FARP1: variants seen among roughly 807,000 people sequenced by gnomAD.
The protein encoded by FARP1 is FERM, ARH/RhoGEF and pleckstrin domain protein 1.
FARP1 carries 52 observed loss-of-function variants against 128.8 expected under a neutral mutation model. That is an observed-to-expected ratio of 0.40 (90% CI 0.32 to 0.51). The LOEUF is 0.51. Ranked by LOEUF, FARP1 falls within the 20% of genes least tolerant of loss-of-function variation. The pLI, the probability that FARP1 is intolerant of heterozygous loss-of-function variation, is 0.45. For synonymous variants in FARP1, 580 were observed against 551.8 expected (o/e 1.05, Z -0.72); for missense variants, 1,333 against 1,367.9 (o/e 0.97, Z 0.40).
intron 18 of FARP1, chr13:98,434,422 G>C (rs1892170787): frequency 6.6e-6 from 1 of 152,154 alleles, no homozygotes; most frequent in African/African-American, 2.4e-5. Flanking sequence ...CGCATCCTTG[G>C]GGGAAAAAAC....
chr13:98,157,869 A>G (rs1436276914), intron 1 of FARP1, among the ~76,000 whole-genome samples: 1 of 152,254 alleles, frequency 6.6e-6, no homozygotes, highest in African/African-American at 2.4e-5. Flanking sequence ...AGTGGTAAAC[A>G]TCGTCACAAA....
At chr13:98,294,089 G>A (rs1381118451) in intron 2 of FARP1, among the ~76,000 whole-genome samples, 3 of 152,168 alleles carry the variant, frequency 2.0e-5, no homozygotes, top group Non-Finnish European at 4.4e-5. Context: ...TAACCAAGCT[G>A]ATCAGTCATT....
intron 1 of FARP1, among the ~76,000 whole-genome samples, chr13:98,169,809 C>G (rs1877524493): frequency 1.5e-5 from 2 of 131,404 alleles, no homozygotes; most frequent in African/African-American, 2.9e-5. Context: ...TAAAATTATG[C>G]TGGGTATTTT....
intron 2 of FARP1, among the ~76,000 whole-genome samples, chr13:98,327,219 A>G (rs1209874971): frequency 3.9e-5 from 6 of 152,306 alleles, no homozygotes; most frequent in Admixed American, 1.3e-4. Context: ...CTGTTTTCCA[A>G]TACGGCTTTT....
At chr13:98,372,018 G>A (rs886738471) in intron 5 of FARP1, among the ~76,000 whole-genome samples, 8 of 150,986 alleles carry the variant, frequency 5.3e-5, no homozygotes, top group Non-Finnish European at 1.0e-4. Flanking sequence ...GAAGCGTATT[G>A]ACTCCTGGGT....
rs77162981 is a variant in FARP1, at chr13:98,444,461, G to A, written c.2797-1637G>A. Among the ~76,000 whole-genome samples, 1,112 of 152,300 alleles carry A rather than the reference G, an allele frequency of 7.3e-3. 10 individuals carry two copies. Among genetic ancestry groups the A allele is most frequent in the African/African-American group, 0.021 (868 of 41,570 alleles). On this transcript the variant is annotated intron_variant, in intron 24 of 26. Coordinates refer to ENST00000319562, the MANE Select transcript of FARP1 (RefSeq NM_005766.4). ...TCTGAACAAGGATGTTGACCCTCTCGTGAAGGCAGTGAATGGAGACAGGTC... is the reference window on the plus strand; with the variant it reads ...TCTGAACAAGGATGTTGACCCTCTCATGAAGGCAGTGAATGGAGACAGGTC...
chr13:98,316,468 G>T (rs1190201551), intron 2 of FARP1, among the ~76,000 whole-genome samples: 2 of 152,174 alleles, frequency 1.3e-5, no homozygotes, highest in African/African-American at 4.8e-5. Flanking sequence ...CCCATGCGTG[G>T]CAGATCCTCT....
chr13:98,253,760 G>C (rs775045492), intron 2 of FARP1, among the ~76,000 whole-genome samples: 8 of 152,102 alleles, frequency 5.3e-5, no homozygotes, highest in African/African-American at 1.9e-4. Flanking sequence ...TTTTATAGTT[G>C]CTGCATCAGT....
intron 1 of FARP1, among the ~76,000 whole-genome samples, chr13:98,148,247 G>A (rs1267123961): frequency 3.3e-5 from 5 of 152,106 alleles, no homozygotes; most frequent in Admixed American, 6.5e-5. Context: ...GCGTGGTGGC[G>A]CGTGACTGTA....
At chr13:98,167,686 A>G (rs1877367865) in intron 1 of FARP1, among the ~76,000 whole-genome samples, 1 of 152,162 alleles carries the variant, frequency 6.6e-6, no homozygotes, top group South Asian at 2.1e-4. Flanking sequence ...CTAGGATTAC[A>G]AGCATGAGCC....
chr13:98,377,300 CAA>C (rs78313498), intron 5 of FARP1, among the ~76,000 whole-genome samples: 55 of 99,620 alleles, frequency 5.5e-4, no homozygotes, highest in Non-Finnish European at 5.4e-4. Context: ...GACTTTGTCT[CAA>C]AAAAAAAAAA....
At chr13:98,247,883 A>G (rs1476768399) in intron 2 of FARP1, among the ~76,000 whole-genome samples, 1 of 152,206 alleles carries the variant, frequency 6.6e-6, no homozygotes, top group East Asian at 1.9e-4. Flanking sequence ...GCTTCCAGCG[A>G]TCCTTGTGAA....
chr13:98,186,223 C>T (rs1299565787), intron 1 of FARP1, among the ~76,000 whole-genome samples: 1 of 152,198 alleles, frequency 6.6e-6, no homozygotes, highest in African/African-American at 2.4e-5. Flanking sequence ...TCTCCTGCCT[C>T]AGCCTCCTGA....
chr13:98,243,783 T>C lies in FARP1; in HGVS notation c.171+30370T>C, dbSNP rs148148472. Among the ~76,000 whole-genome samples, 515 of 152,140 alleles carry C rather than the reference T, an allele frequency of 3.4e-3. 3 individuals carry two copies. The highest frequency in any genetic ancestry group is 0.011 in the African/African-American group (463 of 41,488). ...CCTTTTTTTCCAGCAGGGTTAAAGA[T>C]TGTAGTATTGACTATCAGTTATTTT... On this transcript the variant is annotated intron_variant, in intron 2 of 26. Transcript: ENST00000319562.
chr13:98,188,453 C>T (rs1270029868), intron 1 of FARP1, among the ~76,000 whole-genome samples: 7 of 152,030 alleles, frequency 4.6e-5, no homozygotes, highest in African/African-American at 1.4e-4. Context: ...CCCAGCTACT[C>T]GGGAGGCTGA....
chr13:98,388,417 A>G lies in FARP1; in HGVS notation c.794A>G (p.Lys265Arg). The G allele has an allele frequency of 6.2e-7, 1 of 1,614,118 alleles. No homozygotes were observed. ...FTKINAFNWA[K>R]VRKLSFKRKR... is the part of the protein sequence containing the mutation. ...AAGATCAATGCCTTCAACTGGGCCA[A>G]GGTGCGGAAGCTGAGCTTCAAGAGG... The change falls in exon 9 of 27, where the codon AAG (lysine) becomes AGG (arginine). Residue 265 changes from lysine to arginine, a missense_variant. Lys to Arg is a conservative substitution (Grantham distance 26). Around this residue, in one of 2 missense-constraint regions of FARP1, gnomAD observed 324 missense variants for 398.1 expected, o/e 0.81. Transcript: ENST00000319562.
At chr13:98,154,503 C>T (rs1479124698) in intron 1 of FARP1, among the ~76,000 whole-genome samples, 2 of 152,168 alleles carry the variant, frequency 1.3e-5, no homozygotes, top group East Asian at 3.9e-4. Context: ...TGGCTGCCTG[C>T]GTTTTGAAGG....
chr13:98,353,039 G>A (rs1468631512), intron 3 of FARP1, among the ~76,000 whole-genome samples: 1 of 152,122 alleles, frequency 6.6e-6, no homozygotes, highest in Non-Finnish European at 1.5e-5. Flanking sequence ...ATTTGGGGGT[G>A]GGGGCACCAC....
chr13:98,377,998 C>A, intron 6 of FARP1, 80 bp downstream of exon 6: 1 of 1,072,118 alleles, frequency 9.3e-7, no homozygotes, highest in Non-Finnish European at 1.4e-6. Flanking sequence ...ATCACATCCA[C>A]CAAAAAAGAA....
Sources: gnomAD v4.1 joint callset for allele counts (sites outside exome capture counted in the v4.1 genomes callset) on GRCh38, gnomAD v4.1.1 for gene constraint, gnomAD v4.1.1 regional missense constraint, MANE v1.5 for transcripts, NCBI Gene and HGNC (gene_info 2026-07-23, HGNC 2026-07-21) for gene names.